Variants in PPM1E observed in about 807,000 individuals in gnomAD.
PPM1E encodes the protein protein phosphatase 1E.
PPM1E carries 20 observed loss-of-function variants against 65.9 expected under a neutral mutation model. That is an observed-to-expected ratio of 0.30 (90% CI 0.21 to 0.44). The LOEUF (loss-of-function observed/expected upper bound fraction) is 0.44, where lower values mean the gene tolerates loss of function less well. Ranked by LOEUF, PPM1E falls within the 20% of genes least tolerant of loss-of-function variation. PPM1E has a pLI of 1.00. For synonymous variants in PPM1E, 352 were observed against 374.9 expected (o/e 0.94, Z 0.70); for missense variants, 713 against 953.1 (o/e 0.75, Z 3.32).
rs540512404 is a variant in PPM1E, at chr17:58,791,553, C to A, written c.464+35092C>A. 2.3e-4 allele frequency among the ~76,000 whole-genome samples: 35 copies of A among 152,284 alleles called. 1 individual carries two copies. In the South Asian group the frequency reaches 6.8e-3, roughly 30 times the overall value. On this transcript the variant is annotated intron_variant, in intron 1 of 6. Coordinates refer to ENST00000308249, the MANE Select transcript of PPM1E (RefSeq NM_014906.5). ...GTAACTCCAAAAAGGTTAAGAATTA[C>A]TTTATTAACAGCAAAACTTTCCTCT...
intron 1 of PPM1E, among the ~76,000 whole-genome samples, chr17:58,811,670 G>A (rs939466548): frequency 1.3e-5 from 2 of 151,844 alleles, no homozygotes; most frequent in Non-Finnish European, 2.9e-5. Context: ...ATTAATTTGT[G>A]CTGTTTTTCT....
At chr17:58,945,271 A>T (rs1335346578) in intron 1 of PPM1E, among the ~76,000 whole-genome samples, 3 of 151,822 alleles carry the variant, frequency 2.0e-5, no homozygotes, top group Non-Finnish European at 1.5e-5. Flanking sequence ...CAGCCTCCCG[A>T]GTAGCTGGGA....
chr17:58,846,998 A>G (rs2143244262), intron 1 of PPM1E, among the ~76,000 whole-genome samples: 1 of 152,150 alleles, frequency 6.6e-6, no homozygotes, highest in Admixed American at 6.5e-5. Flanking sequence ...TGTGGTTTTG[A>G]TTTGCATTTC....
chr17:58,806,693 G>T (rs1053610039), intron 1 of PPM1E, among the ~76,000 whole-genome samples: 50 of 131,568 alleles, frequency 3.8e-4, no homozygotes, highest in African/African-American at 1.2e-3. Flanking sequence ...GTTTTGTTTT[G>T]TTTTCTTTTT....
chr17:58,858,369 A>G (rs906319827), intron 1 of PPM1E, among the ~76,000 whole-genome samples: 2 of 152,142 alleles, frequency 1.3e-5, no homozygotes, highest in African/African-American at 4.8e-5. Context: ...TGTTAACTAT[A>G]GTCATCCTGC....
intron 1 of PPM1E, among the ~76,000 whole-genome samples, chr17:58,761,886 G>A (rs1333607781): frequency 1.3e-5 from 2 of 152,128 alleles, no homozygotes; most frequent in Non-Finnish European, 1.5e-5. Context: ...CTTCATTTCG[G>A]CAAAGGAAGA....
intron 1 of PPM1E, among the ~76,000 whole-genome samples, chr17:58,915,828 T>C (rs1056914580): frequency 7.9e-5 from 12 of 152,242 alleles, no homozygotes; most frequent in African/African-American, 2.7e-4. Context: ...GAATTAATGC[T>C]GAATTAGTAG....
intron 1 of PPM1E, among the ~76,000 whole-genome samples, chr17:58,887,162 C>CTTTTTTTTTTTTTTTTTTTTTTTTTTTTT (rs71143300): frequency 9.0e-6 from 1 of 111,700 alleles, no homozygotes. Flanking sequence ...AGGCCTTCTT[C>CTTTTTTTTTTTTTTTTTTTTTTTTTTTTT]TTTTTTTTTT....
At chr17:58,868,792 G>T (rs905692535) in intron 1 of PPM1E, among the ~76,000 whole-genome samples, 9 of 152,044 alleles carry the variant, frequency 5.9e-5, no homozygotes, top group African/African-American at 2.2e-4. Context: ...AAATAAACTA[G>T]ATAATGAGTT....
chr17:58,936,446 T>G (rs1222280377), intron 1 of PPM1E, among the ~76,000 whole-genome samples: 1 of 152,128 alleles, frequency 6.6e-6, no homozygotes, highest in Non-Finnish European at 1.5e-5. Context: ...TCTCTCCAAG[T>G]TAATTGATGG....
rs2051864684 is a variant in PPM1E, at chr17:58,929,404, T to C, written c.465-26245T>C. On this transcript the variant is annotated intron_variant, in intron 1 of 6. Transcript: ENST00000308249. ...CATAGGTAAATGCATTTGCCAAAAT[T>C]CAATGCATGTATATAGAATATGTGT... Among the ~76,000 whole-genome samples the C allele has an allele frequency of 3.3e-5, 5 of 152,188 alleles. No individual in the cohort carries two copies. In the South Asian group the frequency reaches 1.0e-3, roughly 31 times the overall value.
intron 2 of PPM1E, among the ~76,000 whole-genome samples, chr17:58,962,577 G>C (rs190491673): frequency 6.6e-6 from 1 of 152,300 alleles, no homozygotes; most frequent in African/African-American, 2.4e-5. Context: ...AGACCAGATA[G>C]GTTGCAGTGA....
chr17:58,923,842 A>T (rs2143543529), intron 1 of PPM1E, among the ~76,000 whole-genome samples: 1 of 150,666 alleles, frequency 6.6e-6, no homozygotes, highest in East Asian at 2.0e-4. Context: ...TGAGCCCAGG[A>T]ATTCGAGGTT....
Position 58,780,674 on chromosome 17 carries a change from A to C in PPM1E, c.464+24213A>C, listed in dbSNP as rs190042108. 1.0e-3 allele frequency among the ~76,000 whole-genome samples: 155 copies of C among 152,300 alleles called. 1 individual carries two copies. The highest frequency in any genetic ancestry group is 6.6e-3 in the Admixed American group (101 of 15,294). The stretch of plus-strand genomic sequence containing the variant: ...TCATGTGTTACAAATGGCTTCTCCC[A>C]GTCTATAAGATGTCTTAAAACTTTA... On this transcript the variant is annotated intron_variant, in intron 1 of 6. Coordinates refer to ENST00000308249, the MANE Select transcript of PPM1E (RefSeq NM_014906.5).
At chr17:58,887,215 A>C (rs887497094) in intron 1 of PPM1E, among the ~76,000 whole-genome samples, 28 of 125,002 alleles carry the variant, frequency 2.2e-4, no homozygotes, top group African/African-American at 9.0e-4. Flanking sequence ...CCCAGGCTGG[A>C]GTGCAGTGGT....
At chr17:58,759,785 G>A (rs924548207) in intron 1 of PPM1E, among the ~76,000 whole-genome samples, 4 of 152,070 alleles carry the variant, frequency 2.6e-5, no homozygotes, top group Admixed American at 1.3e-4. Context: ...AAAATGGCTT[G>A]GAAAAGAAAA....
Position 58,813,907 on chromosome 17 carries a change from A to G in PPM1E, c.464+57446A>G, listed in dbSNP as rs189626955. Among the ~76,000 whole-genome samples the G allele has an allele frequency of 2.4e-4, 37 of 152,332 alleles. No individual in the cohort carries two copies. The South Asian group carries it at 3.7e-3, about 15-fold the overall frequency. On this transcript the variant is annotated intron_variant, in intron 1 of 6. Transcript: ENST00000308249. ...CTAGGTGTACAGTGTCAGGAAGTCC[A>G]ACTCAGTGGGTGTTTGTTATGCACA...
intron 1 of PPM1E, among the ~76,000 whole-genome samples, chr17:58,847,253 G>T (rs543364390): frequency 0.015 from 2,261 of 152,150 alleles, 43 homozygotes; most frequent in African/African-American, 0.052. Context: ...TTCTTTTGCT[G>T]TGCAGAAGCT....
At chr17:58,970,399 G>T (rs1225415583) in intron 4 of PPM1E, among the ~76,000 whole-genome samples, 1 of 152,020 alleles carries the variant, frequency 6.6e-6, no homozygotes, top group Non-Finnish European at 1.5e-5. Flanking sequence ...ATTAACTACA[G>T]TGTTCTATAT....
Sources: gnomAD v4.1 joint callset for allele counts (sites outside exome capture counted in the v4.1 genomes callset) on GRCh38, gnomAD v4.1.1 for gene constraint, MANE v1.5 for transcripts, NCBI Gene and HGNC (gene_info 2026-07-23, HGNC 2026-07-21) for gene names.